Variants in CCDC141 observed in about 807,000 individuals in gnomAD.
CCDC141 encodes the protein coiled-coil domain containing 141.
In CCDC141, 168 loss-of-function variants were observed where a neutral mutation model predicts 181.0. That is an observed-to-expected ratio of 0.93 (90% CI 0.82 to 1.05). CCDC141 has a LOEUF of 1.05. Among genes scored for constraint, CCDC141 ranks in the 50% least tolerant of loss-of-function variants. The pLI is 0.00. For synonymous variants in CCDC141, 666 were observed against 642.3 expected (o/e 1.04, Z -0.56); for missense variants, 1,902 against 1,788.5 (o/e 1.06, Z -1.14).
intron 8 of CCDC141, among the ~76,000 whole-genome samples, chr2:178,902,296 A>G (rs1687736707): frequency 6.6e-6 from 1 of 152,222 alleles, no homozygotes. Context: ...CTGCATCGCC[A>G]AGTCAATCCT....
Position 179,050,120 on chromosome 2 carries a change from C to G in CCDC141, c.-179G>C. 1.1e-6 allele frequency: 1 copy of G among 914,508 alleles called. No individual in the cohort carries two copies. The allele number at this position is 914,508 out of a possible 1,614,324, so 56.6% of individuals were successfully genotyped here. On this transcript the variant is annotated 5_prime_UTR_variant, in exon 1 of 24. Coordinates refer to ENST00000443758, the MANE Select transcript of CCDC141 (RefSeq NM_173648.4). ...AAATAGACAACCCCATTGAGTTTATCGTGAGAGAGAAAGGAGCGAACGAGA... is the reference window on the plus strand; with the variant it reads ...AAATAGACAACCCCATTGAGTTTATGGTGAGAGAGAAAGGAGCGAACGAGA...
At chr2:179,000,094 A>T (rs1446016765) in intron 2 of CCDC141, among the ~76,000 whole-genome samples, 2 of 144,224 alleles carry the variant, frequency 1.4e-5, no homozygotes, top group Non-Finnish European at 3.1e-5. Context: ...ACACACACAC[A>T]CACAATTAGA....
At position 178,865,749 on chromosome 2, in the gene CCDC141, C is replaced by A; in HGVS notation, c.2724+18G>T. 1 of 1,464,146 alleles carries A rather than the reference C, an allele frequency of 6.8e-7. No individual in the cohort carries two copies. The highest frequency in any genetic ancestry group is 1.5e-5 in the South Asian group (1 of 65,648). 90.7% of individuals were successfully genotyped at this position (1,464,146 alleles called of 1,614,324 possible). ...AGCTTTTTGGCAATGTGCCAGTTCT[C>A]ACCCCTCCCACACCCACCTCATTTA... is the stretch of plus-strand genomic sequence containing the variant. On this transcript the variant is annotated intron_variant, in intron 17 of 23. Coordinates refer to ENST00000443758, the MANE Select transcript of CCDC141 (RefSeq NM_173648.4).
At chr2:178,984,548 A>G (rs1422131933) in intron 2 of CCDC141, among the ~76,000 whole-genome samples, 1 of 151,364 alleles carries the variant, frequency 6.6e-6, no homozygotes, top group Non-Finnish European at 1.5e-5. Context: ...AAGACCCATC[A>G]GTGTGCTGTA....
intron 1 of CCDC141, among the ~76,000 whole-genome samples, chr2:179,047,630 A>T (rs1194895596): frequency 6.6e-6 from 1 of 152,202 alleles, no homozygotes; most frequent in Non-Finnish European, 1.5e-5. Context: ...TATTCTTAGC[A>T]TAAATTATTC....
chr2:178,884,498 C>T (rs1033281432), intron 11 of CCDC141, among the ~76,000 whole-genome samples: 1 of 152,110 alleles, frequency 6.6e-6, no homozygotes, highest in Non-Finnish European at 1.5e-5. Flanking sequence ...TAGGTTTTCA[C>T]ATGTAAAATG....
At position 178,983,206 on chromosome 2, in the gene CCDC141, C is replaced by T. The variant is rs1017706424; in HGVS notation, c.226-4531G>A. Among the ~76,000 whole-genome samples the T allele has an allele frequency of 1.2e-4, 19 of 152,326 alleles. No individual in the cohort carries two copies. The Middle Eastern group carries it at 0.01, about 82-fold the overall frequency. On this transcript the variant is annotated intron_variant, in intron 2 of 23. Transcript: ENST00000443758. ...GGAGGCACCCTCCAGCAGGGGCACACTGACACCTCACACTGCAGGGTACTC... is the reference window on the plus strand; with the variant it reads ...GGAGGCACCCTCCAGCAGGGGCACATTGACACCTCACACTGCAGGGTACTC...
chr2:178,948,115 C>T (rs1689805884), intron 5 of CCDC141, among the ~76,000 whole-genome samples: 2 of 151,814 alleles, frequency 1.3e-5, no homozygotes, highest in African/African-American at 4.8e-5. Context: ...GGAGGAAGAT[C>T]ACCTGAACCT....
At chr2:178,940,313 T>A (rs1398936387) in intron 6 of CCDC141, among the ~76,000 whole-genome samples, 2 of 152,160 alleles carry the variant, frequency 1.3e-5, no homozygotes, top group East Asian at 3.9e-4. Flanking sequence ...ACATTGCAAC[T>A]AGAAATTAGC....
intron 19 of CCDC141, among the ~76,000 whole-genome samples, chr2:178,854,283 G>A (rs1685288133): frequency 6.6e-6 from 1 of 152,178 alleles, no homozygotes; most frequent in African/African-American, 2.4e-5. Context: ...CCAGCACTTT[G>A]GGAGGCCGAG....
chr2:178,944,499 T>C, intron 6 of CCDC141, 36 bp downstream of exon 6: 3 of 1,010,660 alleles, frequency 3.0e-6, no homozygotes, highest in Middle Eastern at 2.9e-4. Flanking sequence ...TAATGCATTT[T>C]TCAATTATTT....
intron 4 of CCDC141, 125 bp downstream of exon 4, chr2:178,974,932 C>T: frequency 2.1e-6 from 1 of 476,004 alleles, no homozygotes; most frequent in Non-Finnish European, 3.7e-6. Context: ...TTTAACTTTT[C>T]TTGGAACAAG....
chr2:178,918,656 G>C, intron 7 of CCDC141, 57 bp downstream of exon 7: 1 of 1,392,708 alleles, frequency 7.2e-7, no homozygotes, highest in South Asian at 1.4e-5. Context: ...TTGAAGTAAT[G>C]GGTCTTTTAC....
At chr2:178,834,965 T>C (rs755734727) in intron 23 of CCDC141, among the ~76,000 whole-genome samples, 5 of 152,038 alleles carry the variant, frequency 3.3e-5, no homozygotes, top group Admixed American at 2.6e-4. Context: ...CTTTAAAAAT[T>C]GGAATATTGC....
At chr2:178,986,730 GA>G (rs1381404969) in intron 2 of CCDC141, among the ~76,000 whole-genome samples, 2 of 151,830 alleles carry the variant, frequency 1.3e-5, no homozygotes, top group Non-Finnish European at 2.9e-5. Flanking sequence ...GCTTCAAAGA[GA>G]ATAAAATACC....
Position 178,920,812 on chromosome 2 carries a change from T to C in CCDC141, c.898-1905A>G, listed in dbSNP as rs559128595. Among the ~76,000 whole-genome samples the C allele has an allele frequency of 7.6e-4, 116 of 152,186 alleles. 5 individuals are homozygous for C. In the East Asian group the frequency reaches 0.022, roughly 29 times the overall value. On this transcript the variant is annotated intron_variant, in intron 6 of 23. Coordinates refer to ENST00000443758, the MANE Select transcript of CCDC141 (RefSeq NM_173648.4). The stretch of plus-strand genomic sequence containing the variant: ...ATTATTTTGTGGTGTCCATGGAAAC[T>C]GTTATAGTTTTAGGTGCAAAAGAAA...
intron 14 of CCDC141, 108 bp from the exon 15 acceptor site, chr2:178,869,413 A>G: frequency 1.3e-6 from 1 of 777,820 alleles, no homozygotes; most frequent in African/African-American, 1.8e-5. Context: ...TTTGTTAACA[A>G]ATACTTATTA....
chr2:178,948,632 T>C (rs1294438486), intron 5 of CCDC141, among the ~76,000 whole-genome samples: 1 of 152,180 alleles, frequency 6.6e-6, no homozygotes, highest in Non-Finnish European at 1.5e-5. Context: ...GGAAGGTATT[T>C]GGATCACAGG....
Position 178,886,796 on chromosome 2 carries a change from C to T in CCDC141, c.1483G>A (p.Glu495Lys). The T allele has an allele frequency of 6.8e-7, 1 of 1,478,162 alleles. No homozygotes were observed. Among genetic ancestry groups the T allele is most frequent in the Non-Finnish European group, 9.0e-7 (1 of 1,109,664 alleles). 91.6% of individuals were successfully genotyped at this position (1,478,162 alleles called of 1,614,324 possible). The change falls in exon 10 of 24, where the codon GAG becomes AAG. Residue 495 changes from glutamate to lysine, a missense_variant. Transcript: ENST00000443758. ...TCCAGATATTTATTCAAAATCTTCT[C>T]TGATTCAGAACGGGTAGAACCAACA... ...MDVGSTRSES[E>K]KILNKYLELD...
Sources: gnomAD v4.1 joint callset for allele counts (sites outside exome capture counted in the v4.1 genomes callset) on GRCh38, gnomAD v4.1.1 for gene constraint, MANE v1.5 for transcripts, NCBI Gene and HGNC (gene_info 2026-07-23, HGNC 2026-07-21) for gene names.